The following ZNF92 variants were observed in gnomAD, a reference collection of about 807,000 sequenced individuals.
ZNF92 encodes epididymis luminal protein 203.
A neutral mutation model predicts 12.4 loss-of-function variants in ZNF92; 11 were observed. The observed-to-expected ratio is 0.89, with a 90% CI of 0.56 to 1.47. The LOEUF is 1.47. ZNF92 is among the 40% of genes most tolerant of loss of function. ZNF92 has a pLI of 0.00. For synonymous variants in ZNF92, 206 were observed against 228.6 expected, an observed-to-expected ratio of 0.90 and a Z score of 0.89; for missense variants, 622 against 681.0, an observed-to-expected ratio of 0.91 and a Z score of 0.96.
intron 3 of ZNF92, among the ~76,000 whole-genome samples, chr7:65,394,309 TC>T (rs771790791): frequency 0.023 from 3,573 of 152,228 alleles, 66 homozygotes; most frequent in Middle Eastern, 0.051. Context: ...GAAGAGACTA[TC>T]TTTCCTCTAT....
intron 1 of ZNF92, among the ~76,000 whole-genome samples, chr7:65,377,965 T>G (rs942828314): frequency 9.2e-5 from 14 of 152,096 alleles, no homozygotes; most frequent in Non-Finnish European, 4.4e-5. Context: ...TACAAGATCT[T>G]TAAGGATTGC....
chr7:65,378,975 A>G (rs572219955), intron 1 of ZNF92, among the ~76,000 whole-genome samples: 54 of 151,844 alleles, frequency 3.6e-4, no homozygotes, highest in Middle Eastern at 3.2e-3. Context: ...TATGTGCTTC[A>G]TTTTTCCCTG....
chr7:65,395,824 T>C (rs375077170), intron 3 of ZNF92, among the ~76,000 whole-genome samples: 2 of 152,156 alleles, frequency 1.3e-5, no homozygotes, highest in Non-Finnish European at 2.9e-5. Context: ...GCAATTTGTA[T>C]AGATATAGAT....
chr7:65,392,332 GA>G (rs1456961820), intron 3 of ZNF92, among the ~76,000 whole-genome samples: 12 of 149,976 alleles, frequency 8.0e-5, no homozygotes, highest in Non-Finnish European at 1.6e-4. Context: ...TTTGTAATTT[GA>G]AGGTAATTTT....
chr7:65,393,229 A>G (rs2116390519), intron 3 of ZNF92, among the ~76,000 whole-genome samples: 1 of 152,264 alleles, frequency 6.6e-6, no homozygotes, highest in Middle Eastern at 3.4e-3. Flanking sequence ...TATGAGTGTG[A>G]CTGTTTAAGA....
chr7:65,373,919 G>T lies in ZNF92; in HGVS notation c.-79G>T. 6.2e-7 allele frequency: 1 copy of T among 1,600,326 alleles called. No homozygotes were observed. The highest frequency in any genetic ancestry group is 8.6e-7 in the Non-Finnish European group (1 of 1,167,610). On this transcript the variant is annotated 5_prime_UTR_variant, in exon 1 of 4. Transcript: ENST00000328747. ...TGCTCTGCGTCCTGTGCTGATAAAG[G>T]CTCGCCGCTGTGACCCTGTTACCTG...
chr7:65,373,908 T>C lies in ZNF92; in HGVS notation c.-90T>C. 6.4e-7 allele frequency: 1 copy of C among 1,574,458 alleles called. No individual in the cohort carries two copies. Among genetic ancestry groups the C allele is most frequent in the Admixed American group, 1.7e-5 (1 of 59,914 alleles). On this transcript the variant is annotated 5_prime_UTR_variant, in exon 1 of 4. Coordinates refer to ENST00000328747, the MANE Select transcript of ZNF92 (RefSeq NM_152626.4). ...CTAGTCTTCACTGCTCTGCGTCCTGTGCTGATAAAGGCTCGCCGCTGTGAC... is the reference window on the plus strand; with the variant it reads ...CTAGTCTTCACTGCTCTGCGTCCTGCGCTGATAAAGGCTCGCCGCTGTGAC...
intron 3 of ZNF92, among the ~76,000 whole-genome samples, chr7:65,389,944 G>A (rs2116379457): frequency 6.6e-6 from 1 of 152,036 alleles, no homozygotes; most frequent in East Asian, 1.9e-4. Context: ...CCATTCTCCT[G>A]CCTCAGCCTG....
chr7:65,387,609 C>G (rs1793607036), intron 1 of ZNF92, among the ~76,000 whole-genome samples: 1 of 152,102 alleles, frequency 6.6e-6, no homozygotes, highest in African/African-American at 2.4e-5. Context: ...AACATATACA[C>G]TCAGAAATGT....
In ZNF92 at chr7:65,374,150, C is replaced by T. The variant is rs1244365592; in HGVS notation, c.3+150C>T. 8 of 1,129,038 alleles carry T rather than the reference C, an allele frequency of 7.1e-6. No homozygotes were observed. In the East Asian group the frequency reaches 9.9e-5, roughly 14 times the overall value. 69.9% of individuals were successfully genotyped at this position (1,129,038 alleles called of 1,614,324 possible). A position where few individuals can be genotyped will look rare whatever the true frequency, so the allele number is the denominator to read the frequency against. ...TTGGCGCAGCTCGGCCCTCAGTCTC[C>T]TTCAGCCATAAGATGGCGGCTGGGC... On this transcript the variant is annotated intron_variant, in intron 1 of 3. Transcript: ENST00000328747.
At chr7:65,377,486 G>A (rs1267975687) in intron 1 of ZNF92, among the ~76,000 whole-genome samples, 1 of 152,102 alleles carries the variant, frequency 6.6e-6, no homozygotes, top group African/African-American at 2.4e-5. Flanking sequence ...AGATAAAGCT[G>A]TCATTGTTTT....
chr7:65,387,171 A>G (rs2116368281), intron 1 of ZNF92, among the ~76,000 whole-genome samples: 1 of 151,842 alleles, frequency 6.6e-6, no homozygotes, highest in Non-Finnish European at 1.5e-5. Flanking sequence ...TGAACTCCTG[A>G]CCTCAGGTGA....
intron 3 of ZNF92, among the ~76,000 whole-genome samples, chr7:65,396,041 A>G (rs981214874): frequency 6.6e-6 from 1 of 152,008 alleles, no homozygotes; most frequent in East Asian, 1.9e-4. Context: ...CAGCCTGTCA[A>G]GTAGCTGGTT....
At chr7:65,381,267 C>A (rs1305723883) in intron 1 of ZNF92, among the ~76,000 whole-genome samples, 1 of 152,048 alleles carries the variant, frequency 6.6e-6, no homozygotes, top group Non-Finnish European at 1.5e-5. Flanking sequence ...CCCACCTTGG[C>A]CTCCCAGAGT....
At position 65,399,209 on chromosome 7, in the gene ZNF92, A is replaced by G; in HGVS notation, c.1095A>G (p.Gly365=). The change falls in exon 4 of 4, where the codon GGA becomes GGG. Residue 365 remains glycine, a synonymous_variant. Coordinates refer to ENST00000328747, the MANE Select transcript of ZNF92 (RefSeq NM_152626.4). ...CTAAACATAAGATAATTCATACTGG[A>G]GAGAAACCCTACAAATGTGATGAAT... ...NLTKHKIIHT[G]EKPYKCDECG... 1.2e-6 allele frequency: 2 copies of G among 1,613,266 alleles called. No homozygotes were observed. The highest frequency in any genetic ancestry group is 1.7e-5 in the Admixed American group (1 of 59,964).
At chr7:65,374,864 C>T (rs1793196415) in intron 1 of ZNF92, among the ~76,000 whole-genome samples, 1 of 152,086 alleles carries the variant, frequency 6.6e-6, no homozygotes, top group Admixed American at 6.6e-5. Flanking sequence ...AGTCTACCCC[C>T]CATCCCTCAT....
In ZNF92 at chr7:65,399,058, G is replaced by A. The variant is rs1394842148; in HGVS notation, c.944G>A (p.Cys315Tyr). The part of the protein sequence containing the change: ...RIHMEDKPYK[C>Y]EECGKAFRVF... The stretch of plus-strand genomic sequence containing the variant: ...CATATGGAAGATAAACCCTACAAAT[G>A]TGAAGAATGTGGCAAAGCCTTTAGA... Residue 315 changes from cysteine to tyrosine, a missense_variant, in exon 4 of 4, where the codon TGT (cysteine) becomes TAT (tyrosine). Cys to Tyr is a radical substitution (Grantham distance 194, BLOSUM62 -2). Transcript: ENST00000328747. 1 of 1,613,206 alleles carries A rather than the reference G, an allele frequency of 6.2e-7. No homozygotes were observed. Among genetic ancestry groups the A allele is most frequent in the Non-Finnish European group, 8.5e-7 (1 of 1,179,686 alleles).
intron 3 of ZNF92, 149 bp from the exon 4 acceptor site, chr7:65,398,192 C>A (rs917260133): frequency 3.0e-5 from 19 of 623,842 alleles, no homozygotes; most frequent in African/African-American, 5.6e-5. Context: ...ATTTTTGTTA[C>A]ATTTATATTT....
intron 1 of ZNF92, among the ~76,000 whole-genome samples, chr7:65,383,092 G>T (rs931841390): frequency 6.6e-6 from 1 of 152,070 alleles, no homozygotes; most frequent in African/African-American, 2.4e-5. Flanking sequence ...TGACAATTTT[G>T]TATCAGCCCA....
Sources: gnomAD v4.1 joint callset for allele counts (sites outside exome capture counted in the v4.1 genomes callset) on GRCh38, gnomAD v4.1.1 for gene constraint, MANE v1.5 for transcripts, NCBI Gene and HGNC (gene_info 2026-07-23, HGNC 2026-07-21) for gene names.